The following SLC26A1 variants were observed in gnomAD, a reference collection of about 807,000 sequenced individuals.
SLC26A1 encodes the protein sulfate anion transporter 1.
A neutral mutation model predicts 14.5 loss-of-function variants in SLC26A1; 18 were observed. The ratio of observed to expected loss-of-function variants is 1.24; its 90% CI spans 0.86 to 1.84. The LOEUF (loss-of-function observed/expected upper bound fraction) is 1.84, where lower values mean the gene tolerates loss of function less well. Ranked by LOEUF, SLC26A1 falls within the 40% of genes most tolerant of loss-of-function variation. The pLI, the probability that SLC26A1 is intolerant of heterozygous loss-of-function variation, is 0.00. For missense variants in SLC26A1, 1,049 were observed against 1,020.0 expected, an observed-to-expected ratio of 1.03 and a Z score of -0.39; for synonymous variants, 505 against 492.0, an observed-to-expected ratio of 1.03 and a Z score of -0.35.
chr4:990,545 A>C, intron 2 of SLC26A1, 183 bp from the exon 3 acceptor site: 1 of 619,250 alleles, frequency 1.6e-6, no homozygotes. Context: ...ACGCGTGCTC[A>C]TGCCCGCAGA....
chr4:992,021 C>A, intron 1 of SLC26A1: 1 of 620,634 alleles, frequency 1.6e-6, no homozygotes, highest in Non-Finnish European at 3.0e-6. Context: ...TGGCGGCACC[C>A]TGTCCAGGCT....
chr4:986,438 A>G (rs926512329), downstream of SLC26A1, among the ~76,000 whole-genome samples: 25 of 152,356 alleles, frequency 1.6e-4, no homozygotes, highest in African/African-American at 6.0e-4. Flanking sequence ...TTAAATCAAG[A>G]TTACTTATAG....
At position 988,745 on chromosome 4, in the gene SLC26A1, T is replaced by TC; in HGVS notation, c.*87dup. ...AAGAGTGCAGCTCTTGGGTGGCTCC[T>TC]CCCTGGGAAGGGTCTCAGCAGTGGC... On this transcript the variant is annotated 3_prime_UTR_variant, in exon 3 of 3. Coordinates refer to ENST00000398516, the MANE Select transcript of SLC26A1 (RefSeq NM_022042.4). The TC allele has an allele frequency of 7.0e-7, 1 of 1,434,592 alleles. No individual in the cohort carries two copies. The allele number at this position is 1,434,592 out of a possible 1,614,324, so 88.9% of individuals were successfully genotyped here.
Position 991,483 on chromosome 4 carries a change from A to C in SLC26A1, c.221T>G (p.Met74Arg). 1 of 1,611,126 alleles carries C rather than the reference A, an allele frequency of 6.2e-7. No homozygotes were observed. The highest frequency in any genetic ancestry group is 8.5e-7 in the Non-Finnish European group (1 of 1,178,566). Reference protein sequence around the residue: ...RPREYLAGDVMSGLVIGIILV... With the variant: ...RPREYLAGDVRSGLVIGIILV... ...GATGATGCCGATGACCAGCCCAGAC[A>C]TGACGTCGCCTGCCAGGTACTCCCG... Residue 74 changes from methionine (M) to arginine (R), a missense_variant, in exon 2 of 3, where the codon ATG becomes AGG. Transcript: ENST00000398516.
chr4:987,850 G>T lies in SLC26A1; in HGVS notation c.*983C>A. 6.2e-7 allele frequency: 1 copy of T among 1,612,486 alleles called. No homozygotes were observed. Among genetic ancestry groups the T allele is most frequent in the Non-Finnish European group, 8.5e-7 (1 of 1,179,852 alleles). On this transcript the variant is annotated 3_prime_UTR_variant, in exon 3 of 3. Coordinates refer to ENST00000398516, the MANE Select transcript of SLC26A1 (RefSeq NM_022042.4). Reference sequence around the variant, plus strand: ...AGCCAGGCTGACCAGTACGTCCTCAGCTGGGACCAGCAGCTCAACCTCGCC... The same window carrying T: ...AGCCAGGCTGACCAGTACGTCCTCATCTGGGACCAGCAGCTCAACCTCGCC...
chr4:991,229 T>C lies in SLC26A1; in HGVS notation c.475A>G (p.Ser159Gly). The C allele has an allele frequency of 3.7e-6, 6 of 1,611,136 alleles. No individual in the cohort carries two copies. Among genetic ancestry groups the C allele is most frequent in the Non-Finnish European group, 5.1e-6 (6 of 1,178,808 alleles). The change falls in exon 2 of 3, where the codon AGC (serine) becomes GGC (glycine). Residue 159 changes from serine to glycine, a missense_variant. Ser to Gly is a moderately conservative substitution (Grantham distance 56, BLOSUM62 0). Transcript: ENST00000398516. Reference sequence around the variant, plus strand: ...GCAGCCGAGCCGTTGAGGGTGCTGCTGTTGGCTCCGGGCTGCAGGCCGTCC... The same window carrying C: ...GCAGCCGAGCCGTTGAGGGTGCTGCCGTTGGCTCCGGGCTGCAGGCCGTCC... ...SQDGLQPGANSSTLNGSAAML... is the reference protein window; with the variant it reads ...SQDGLQPGANGSTLNGSAAML...
chr4:990,173 C>G lies in SLC26A1; in HGVS notation c.766G>C (p.Ala256Pro), dbSNP rs751905449. 17 of 1,559,962 alleles carry G rather than the reference C, an allele frequency of 1.1e-5. No individual in the cohort carries two copies. The highest frequency in any genetic ancestry group is 1.5e-5 in the Non-Finnish European group (17 of 1,152,984). ...ACGTCGCACACGTTGGCCTGCCCGG[C>G]GCCGCGCAGCAGGCTCAGCCATGTG... ...VLTWLSLLRG[A>P]GQANVCDVVT... is the part of the protein sequence containing the mutation. The change falls in exon 3 of 3, where the codon GCC becomes CCC. Residue 256 changes from alanine to proline, a missense_variant. Ala to Pro is a conservative substitution (Grantham distance 27, BLOSUM62 -1). Transcript: ENST00000398516.
downstream of SLC26A1, chr4:986,790 T>C (rs1560531181): frequency 3.5e-6 from 2 of 568,884 alleles, no homozygotes; most frequent in East Asian, 8.3e-5. Context: ...AACAAGACAG[T>C]AATGGCTCAA....
intron 2 of SLC26A1, among the ~76,000 whole-genome samples, chr4:982,057 G>A (rs1713560155): frequency 6.6e-6 from 1 of 151,896 alleles, no homozygotes; most frequent in African/African-American, 2.4e-5. Flanking sequence ...CTGACCTCAT[G>A]ATCCGCCCGT....
intron 2 of SLC26A1, chr4:990,568 C>T (rs929470062): frequency 3.3e-6 from 2 of 597,476 alleles, no homozygotes; most frequent in South Asian, 4.0e-5. Flanking sequence ...ACTGTGACAT[C>T]CACGTGAGCA....
At chr4:990,633 G>A (rs2153017560) in intron 2 of SLC26A1, 4 of 505,902 alleles carry the variant, frequency 7.9e-6, no homozygotes, top group Admixed American at 3.7e-5. Context: ...ACGTGCAGCA[G>A]CCCGTTTTAT....
At chr4:987,347 G>C, downstream of SLC26A1, 1 of 1,146,784 alleles carries the variant, frequency 8.7e-7, no homozygotes. Flanking sequence ...TCCCTCCTCT[G>C]GGGCCCTGGC....
chr4:991,639 G>A lies in SLC26A1; in HGVS notation c.65C>T (p.Pro22Leu). 1.9e-6 allele frequency: 3 copies of A among 1,559,742 alleles called. No individual in the cohort carries two copies. Among genetic ancestry groups the A allele is most frequent in the Non-Finnish European group, 2.6e-6 (3 of 1,159,360 alleles). ...CATCTCACGCAGACCCCGGGGTGCT[G>A]GGCGCTGCCGTCGGACCGGCACCGG... ...RGPVPVRRQR[P>L]APRGLREMLK... The change falls in exon 2 of 3, where the codon CCA (proline) becomes CTA (leucine). Residue 22 changes from proline (P) to leucine (L), a missense_variant. Transcript: ENST00000398516.
intron 1 of SLC26A1, 114 bp downstream of exon 1, chr4:993,187 C>T: frequency 6.6e-6 from 1 of 152,392 alleles, no homozygotes; most frequent in South Asian, 2.1e-4. Flanking sequence ...AGTAGGGCCA[C>T]CTGCCTTGAG....
chr4:989,520 G>C lies in SLC26A1; in HGVS notation c.1419C>G (p.Val473=). 6.4e-7 allele frequency: 1 copy of C among 1,554,680 alleles called. No individual in the cohort carries two copies. Reference sequence around the variant, plus strand: ...TACAGGTGGCCGCGGTGCCTGCCCAGACCAGCGCGTCAGCCGGGCTCATCC... The same window carrying C: ...TACAGGTGGCCGCGGTGCCTGCCCACACCAGCGCGTCAGCCGGGCTCATCC... The part of the protein sequence containing the change: ...LWRMSPADAL[V]WAGTAATCML... The change falls in exon 3 of 3, where the codon GTC becomes GTG. Residue 473 remains valine, a synonymous_variant. Transcript: ENST00000398516.
intron 2 of SLC26A1, among the ~76,000 whole-genome samples, chr4:982,126 G>A (rs572425556): frequency 5.3e-5 from 8 of 152,150 alleles, no homozygotes; most frequent in Non-Finnish European, 8.8e-5. Flanking sequence ...GCCCAGTGCC[G>A]TCCACTCTTA....
At chr4:993,177 A>C (rs1357694655) in intron 1 of SLC26A1, 124 bp downstream of exon 1, 1 of 152,268 alleles carries the variant, frequency 6.6e-6, no homozygotes, top group African/African-American at 2.4e-5. Flanking sequence ...GAATGGGGAC[A>C]GTAGGGCCAC....
intron 2 of SLC26A1, among the ~76,000 whole-genome samples, chr4:982,604 G>A (rs556709359): frequency 1.8e-4 from 27 of 152,318 alleles, no homozygotes; most frequent in African/African-American, 6.0e-4. Flanking sequence ...GGCCTCCGCC[G>A]ACCAGTGGCT....
chr4:983,423 T>C (rs1410481118), downstream of SLC26A1, among the ~76,000 whole-genome samples: 1 of 152,196 alleles, frequency 6.6e-6, no homozygotes, highest in Non-Finnish European at 1.5e-5. Context: ...TGGCCTGCCT[T>C]GTTTGACTGT....
Sources: allele counts gnomAD v4.1 joint callset (sites outside exome capture counted in the v4.1 genomes callset), GRCh38; gene constraint gnomAD v4.1.1; transcripts MANE v1.5; gene names NCBI Gene and HGNC (gene_info 2026-07-23, HGNC 2026-07-21).